The following KSR1 variants were observed in gnomAD, a reference collection of about 807,000 sequenced individuals.
KSR1 encodes kinase suppressor of ras.
In KSR1, 35 loss-of-function variants were observed where a neutral mutation model predicts 92.9. The observed-to-expected ratio is 0.38, with a 90% CI of 0.29 to 0.50. KSR1 has a LOEUF of 0.50. KSR1 is among the 20% of genes least tolerant of loss of function. The pLI is 0.94. For missense variants in KSR1, 972 were observed against 1,158.5 expected, an observed-to-expected ratio of 0.84 and a Z score of 2.34; for synonymous variants, 467 against 472.6, an observed-to-expected ratio of 0.99 and a Z score of 0.15.
chr17:27,614,403 C>G (rs2074001694), intron 18 of KSR1, among the ~76,000 whole-genome samples: 1 of 152,208 alleles, frequency 6.6e-6, no homozygotes, highest in Admixed American at 6.5e-5. Context: ...ATTCTTCGTT[C>G]TGCCCTCCTG....
chr17:27,582,850 G>C lies in KSR1; in HGVS notation c.725G>C (p.Ser242Thr), dbSNP rs1466356812. ...ALPASDSPTP[S>T]FSEGLSDTCI... The stretch of plus-strand genomic sequence containing the variant: ...CCCGCCTCAGACTCCCCCACCCCCA[G>C]CTTCAGTGAGGGCCTCTCAGACACC... Residue 242 changes from serine to threonine, a missense_variant, in exon 4 of 21, where the codon AGC (serine) becomes ACC (threonine). Physicochemically the swap from Ser to Thr is moderately conservative, Grantham distance 58. Transcript: ENST00000644974. 1 of 1,612,604 alleles carries C rather than the reference G, an allele frequency of 6.2e-7. No individual in the cohort carries two copies. The highest frequency in any genetic ancestry group is 1.3e-5 in the African/African-American group (1 of 74,638).
intron 1 of KSR1, among the ~76,000 whole-genome samples, chr17:27,496,674 G>A (rs1456023895): frequency 1.3e-5 from 2 of 152,200 alleles, no homozygotes; most frequent in Non-Finnish European, 2.9e-5. Flanking sequence ...GGATCCTGGG[G>A]GATCTCAGGT....
At chr17:27,468,642 G>A (rs148169249) in intron 1 of KSR1, among the ~76,000 whole-genome samples, 112 of 152,334 alleles carry the variant, frequency 7.4e-4, no homozygotes, top group African/African-American at 2.4e-3. Flanking sequence ...CCAGCCATCC[G>A]CTTCCAGGCT....
chr17:27,595,761 G>T (rs1033839435), intron 9 of KSR1, among the ~76,000 whole-genome samples: 1 of 151,588 alleles, frequency 6.6e-6, no homozygotes, highest in Non-Finnish European at 1.5e-5. Context: ...CCTGTCTGGT[G>T]GTGCTTTGCT....
intron 2 of KSR1, chr17:27,558,170 A>G (rs891206424): frequency 1.3e-5 from 2 of 152,506 alleles, no homozygotes; most frequent in Non-Finnish European, 2.9e-5. Flanking sequence ...CTTCGCGGGG[A>G]TAACACCTTG....
chr17:27,498,323 G>A (rs1210476291), intron 1 of KSR1, among the ~76,000 whole-genome samples: 1 of 138,834 alleles, frequency 7.2e-6, no homozygotes, highest in Non-Finnish European at 1.5e-5. Context: ...GGGCAATAGA[G>A]TGAGACTCAG....
chr17:27,602,358 G>A (rs189648982), intron 11 of KSR1, among the ~76,000 whole-genome samples: 3 of 152,260 alleles, frequency 2.0e-5, no homozygotes, highest in East Asian at 3.9e-4. Flanking sequence ...CCGGTTTTTT[G>A]TTGTGGTTCC....
chr17:27,526,406 G>T (rs2070300540), intron 1 of KSR1: 5 of 1,518,298 alleles, frequency 3.3e-6, no homozygotes, highest in Non-Finnish European at 4.4e-6. Context: ...TTGGGAAAGG[G>T]CCGGTTAAAT....
At chr17:27,585,904 A>G (rs2072949713) in intron 5 of KSR1, 2 of 569,646 alleles carry the variant, frequency 3.5e-6, no homozygotes, top group Non-Finnish European at 6.3e-6. Flanking sequence ...AGCACATCTC[A>G]GCCCACAGGC....
chr17:27,461,156 A>G (rs1271201583), intron 1 of KSR1, among the ~76,000 whole-genome samples: 2 of 152,144 alleles, frequency 1.3e-5, no homozygotes, highest in Non-Finnish European at 2.9e-5. Flanking sequence ...ATCTCGGATC[A>G]CTGCAATCTC....
At chr17:27,573,428 T>C (rs2072385548) in intron 2 of KSR1, among the ~76,000 whole-genome samples, 1 of 152,204 alleles carries the variant, frequency 6.6e-6, no homozygotes, top group Non-Finnish European at 1.5e-5. Context: ...CCTCCTTAGA[T>C]ATTTTAAGTT....
chr17:27,585,337 T>C (rs2072925123), intron 4 of KSR1, among the ~76,000 whole-genome samples: 2 of 152,158 alleles, frequency 1.3e-5, no homozygotes, highest in African/African-American at 4.8e-5. Context: ...TTTTCTTGAC[T>C]GTGAAATGGG....
At chr17:27,473,606 G>C (rs952019915) in intron 1 of KSR1, among the ~76,000 whole-genome samples, 19 of 152,262 alleles carry the variant, frequency 1.2e-4, no homozygotes, top group Middle Eastern at 3.4e-3. Flanking sequence ...CCTCTGCTTG[G>C]AAGGGTTCTA....
chr17:27,562,819 C>T (rs544412161), intron 2 of KSR1, among the ~76,000 whole-genome samples: 2 of 152,320 alleles, frequency 1.3e-5, no homozygotes, highest in South Asian at 4.1e-4. Context: ...GATTGGGAAA[C>T]AAAATTGTTT....
At chr17:27,562,648 A>G (rs1206015917) in intron 2 of KSR1, among the ~76,000 whole-genome samples, 1 of 152,222 alleles carries the variant, frequency 6.6e-6, no homozygotes, top group Non-Finnish European at 1.5e-5. Flanking sequence ...TCTAGAACAG[A>G]TCTGACTATG....
intron 8 of KSR1, 25 bp from the exon 9 acceptor site, chr17:27,592,495 A>G: frequency 1.9e-6 from 3 of 1,613,462 alleles, no homozygotes; most frequent in African/African-American, 1.3e-5. Flanking sequence ...TTCCCTGGTG[A>G]TGGGTTTTCC....
At chr17:27,470,703 G>A (rs1008264212) in intron 1 of KSR1, among the ~76,000 whole-genome samples, 1 of 152,074 alleles carries the variant, frequency 6.6e-6, no homozygotes, top group African/African-American at 2.4e-5. Context: ...TTGAATGATA[G>A]CTGTTTTAAA....
intron 2 of KSR1, chr17:27,566,412 T>C (rs1315811112): frequency 5.0e-6 from 2 of 399,294 alleles, no homozygotes; most frequent in Non-Finnish European, 8.8e-6. Flanking sequence ...GACACTGCAC[T>C]GGGGGCCAGG....
At chr17:27,620,045 T>C (rs1384659898) in intron 19 of KSR1, among the ~76,000 whole-genome samples, 1 of 152,234 alleles carries the variant, frequency 6.6e-6, no homozygotes, top group African/African-American at 2.4e-5. Context: ...CAAGCTGCAG[T>C]TGAGGAGAAA....
Sources: gnomAD v4.1 joint callset for allele counts (sites outside exome capture counted in the v4.1 genomes callset) on GRCh38, gnomAD v4.1.1 for gene constraint, MANE v1.5 for transcripts, NCBI Gene and HGNC (gene_info 2026-07-23, HGNC 2026-07-21) for gene names.